CATSPER3: variants seen among roughly 807,000 people sequenced by gnomAD.
CATSPER3 encodes cation channel sperm associated 3.
CATSPER3 carries 23 observed loss-of-function variants against 36.6 expected under a neutral mutation model. The observed-to-expected ratio is 0.63, with a 90% CI of 0.45 to 0.89. The LOEUF (loss-of-function observed/expected upper bound fraction) is 0.89, where lower values mean the gene tolerates loss of function less well. Ranked by LOEUF, CATSPER3 falls within the 40% of genes least tolerant of loss-of-function variation. The probability of loss-of-function intolerance (pLI) is 0.00; values close to 1 mark genes in which losing one functional copy is unlikely to be tolerated. For synonymous variants in CATSPER3, 172 were observed against 184.1 expected (o/e 0.93, Z 0.53); for missense variants, 474 against 503.9 (o/e 0.94, Z 0.57).
intron 3 of CATSPER3, among the ~76,000 whole-genome samples, chr5:135,002,555 TGTTTTCCAACTTGGTTCCATTCTCCC>T (rs1752034388): frequency 1.3e-5 from 2 of 152,216 alleles, no homozygotes; most frequent in Non-Finnish European, 2.9e-5. Flanking sequence ...TCCTGCAGAG[TGTTTTCCAACTTGGTTCCATTCTCCC>T]TGTCACTTTC....
Position 135,005,372 on chromosome 5 carries a change from A to G in CATSPER3, c.493-2585A>G, listed in dbSNP as rs1237212433. Among the ~76,000 whole-genome samples, 9 of 152,168 alleles carry G rather than the reference A, an allele frequency of 5.9e-5. No individual in the cohort carries two copies. In the East Asian group the frequency reaches 1.3e-3, roughly 23 times the overall value. On this transcript the variant is annotated intron_variant, in intron 3 of 7. Transcript: ENST00000282611. ...GGTTTGGCCTCATGGTTTTTCTGTC[A>G]TTAAGCAGGGCCTTGCATCCTAGAG...
chr5:135,010,078 C>T (rs1287739443), intron 6 of CATSPER3, among the ~76,000 whole-genome samples: 1 of 152,224 alleles, frequency 6.6e-6, no homozygotes, highest in Non-Finnish European at 1.5e-5. Flanking sequence ...TTGTCCTCTT[C>T]TCTGGGGTGG....
intron 2 of CATSPER3, 42 bp from the exon 3 acceptor site, chr5:134,996,231 T>G (rs299364): frequency 0.33 from 536,393 of 1,612,482 alleles, 96,810 homozygotes; most frequent in East Asian, 0.66. Context: ...TCTAGGGCTG[T>G]GCAGCTCGAT....
At chr5:134,981,872 G>C (rs1751756202) in intron 2 of CATSPER3, among the ~76,000 whole-genome samples, 1 of 152,210 alleles carries the variant, frequency 6.6e-6, no homozygotes, top group Admixed American at 6.5e-5. Context: ...GCTTCTGCCT[G>C]TAATCCCGGC....
At chr5:134,969,216 ATTATC>A (rs1163292214) in intron 1 of CATSPER3, 2 of 152,220 alleles carry the variant, frequency 1.3e-5, no homozygotes, top group Non-Finnish European at 2.9e-5. Flanking sequence ...TTCAGGTTAT[ATTATC>A]TTGGGTCAGA....
rs1341752040 is a variant in CATSPER3 at position 134,996,595 on chromosome 5, C to T, written c.492+83C>T. The T allele has an allele frequency of 4.3e-6, 6 of 1,383,464 alleles. No individual in the cohort carries two copies. In the South Asian group the frequency reaches 6.0e-5, roughly 14 times the overall value. The allele number at this position is 1,383,464 out of a possible 1,614,324, so 85.7% of individuals were successfully genotyped here. ...CCAAGACACTAAGGAAATAATGACT[C>T]TACTACCATCTTCCAGTTGTTGAGT... On this transcript the variant is annotated intron_variant, in intron 3 of 7. Transcript: ENST00000282611.
intron 2 of CATSPER3, among the ~76,000 whole-genome samples, chr5:134,993,304 G>A (rs1751905901): frequency 6.6e-6 from 1 of 152,166 alleles, no homozygotes. Context: ...AGGGTTGCGG[G>A]GAGAGGGGAA....
At chr5:134,981,082 C>CT (rs1393955526) in intron 2 of CATSPER3, among the ~76,000 whole-genome samples, 1 of 151,774 alleles carries the variant, frequency 6.6e-6, no homozygotes, top group East Asian at 1.9e-4. Flanking sequence ...CTTTCTTCCT[C>CT]TTTCCTCCCT....
chr5:134,978,833 C>T (rs1751714078), intron 2 of CATSPER3, among the ~76,000 whole-genome samples: 1 of 151,874 alleles, frequency 6.6e-6, no homozygotes, highest in South Asian at 2.1e-4. Context: ...CATCCTCCTG[C>T]CTCAGCCTCC....
intron 2 of CATSPER3, among the ~76,000 whole-genome samples, chr5:134,993,486 A>T (rs1399179873): frequency 6.6e-6 from 1 of 152,214 alleles, no homozygotes; most frequent in East Asian, 1.9e-4. Flanking sequence ...AGAAAATATC[A>T]ATAAAGTCAA....
chr5:134,994,798 C>G (rs1343828065), intron 2 of CATSPER3, among the ~76,000 whole-genome samples: 1 of 152,142 alleles, frequency 6.6e-6, no homozygotes, highest in Non-Finnish European at 1.5e-5. Flanking sequence ...TGAACAGCCT[C>G]TTTTTCTCCC....
At chr5:134,971,970 TA>T (rs1288331174) in intron 2 of CATSPER3, among the ~76,000 whole-genome samples, 3 of 152,104 alleles carry the variant, frequency 2.0e-5, no homozygotes, top group Non-Finnish European at 4.4e-5. Context: ...AAATTTTATG[TA>T]AAACAGCACA....
chr5:134,995,964 G>T (rs558077792), intron 2 of CATSPER3: 66 of 440,032 alleles, frequency 1.5e-4, no homozygotes, highest in African/African-American at 1.1e-3. Flanking sequence ...CTTCCCTTGG[G>T]AAACCTTATA....
At position 134,967,977 on chromosome 5, in the gene CATSPER3, T is replaced by C. The variant is rs1480349433; in HGVS notation, c.-15T>C. The C allele has an allele frequency of 6.9e-6, 11 of 1,604,212 alleles. No individual in the cohort carries two copies. In the Admixed American group the frequency reaches 1.3e-4, roughly 19 times the overall value. On this transcript the variant is annotated 5_prime_UTR_variant, in exon 1 of 8. Coordinates refer to ENST00000282611, the MANE Select transcript of CATSPER3 (RefSeq NM_178019.3). ...GGATGCTAAAAGCAAGGAATAAAAG[T>C]TGAAAATTTGGAAAATGTCTCAACA...
intron 2 of CATSPER3, among the ~76,000 whole-genome samples, chr5:134,976,463 C>T (rs764364455): frequency 6.6e-6 from 1 of 151,960 alleles, no homozygotes; most frequent in Non-Finnish European, 1.5e-5. Context: ...CCTTGGGAAG[C>T]TCCACCCCAG....
intron 2 of CATSPER3, among the ~76,000 whole-genome samples, chr5:134,991,594 A>G (rs532450308): frequency 2.6e-5 from 4 of 152,336 alleles, no homozygotes; most frequent in East Asian, 3.9e-4. Context: ...TGGTATTCAC[A>G]TGCAAAAGAC....
At chr5:135,002,082 T>A (rs1752027052) in intron 3 of CATSPER3, among the ~76,000 whole-genome samples, 1 of 152,240 alleles carries the variant, frequency 6.6e-6, no homozygotes, top group Non-Finnish European at 1.5e-5. Context: ...ATTTGGCATG[T>A]TTTTGCAGTG....
chr5:134,970,264 C>T (rs951343383), intron 2 of CATSPER3, among the ~76,000 whole-genome samples, 172 bp downstream of exon 2: 1 of 151,798 alleles, frequency 6.6e-6, no homozygotes, highest in Non-Finnish European at 1.5e-5. Flanking sequence ...CAGGTTCAAG[C>T]GATTCCTCTG....
chr5:134,971,350 G>A (rs1432995291), intron 2 of CATSPER3, among the ~76,000 whole-genome samples: 3 of 152,066 alleles, frequency 2.0e-5, no homozygotes, highest in African/African-American at 7.2e-5. Flanking sequence ...GAGCCTGGGA[G>A]TTCGAGGCTG....
Sources: gnomAD v4.1 joint callset for allele counts (sites outside exome capture counted in the v4.1 genomes callset) on GRCh38, gnomAD v4.1.1 for gene constraint, MANE v1.5 for transcripts, NCBI Gene and HGNC (gene_info 2026-07-23, HGNC 2026-07-21) for gene names.